C2orf76: variants seen among roughly 807,000 people sequenced by gnomAD.
C2orf76 encodes chromosome 2 open reading frame 76, also known as UPF0538 protein C2orf76.
Under a neutral mutation model 16.9 loss-of-function variants are expected in C2orf76, and 23 were observed. The observed-to-expected ratio is 1.36, with a 90% confidence interval of 0.98 to 1.93. The LOEUF (loss-of-function observed/expected upper bound fraction) is 1.93. Ranked by LOEUF, C2orf76 falls within the 30% of genes most tolerant of loss-of-function variation. The pLI, the probability that C2orf76 is intolerant of heterozygous loss-of-function variation, is 0.00. For synonymous variants in C2orf76, 48 were observed against 52.3 expected (o/e 0.92, Z 0.35); for missense variants, 152 against 152.6 (o/e 1.00, Z 0.02).
In C2orf76 at chr2:119,340,232, G is replaced by A. The variant is rs1033878935; in HGVS notation, c.-12-261C>T. 2.0e-5 allele frequency: 7 copies of A among 345,484 alleles called. No individual in the cohort carries two copies. In the South Asian group the frequency reaches 5.1e-4, roughly 25 times the overall value. The allele number at this position is 345,484 out of a possible 1,614,324, so 21.4% of individuals were successfully genotyped here. A position where few individuals can be genotyped will look rare whatever the true frequency, so the allele number is the denominator to read the frequency against. ...ACCAGCAGAAAACTGACAGAGTACAGAAGATGAACCAAAGTAACACAGGGG... is the reference window on the plus strand; with the variant it reads ...ACCAGCAGAAAACTGACAGAGTACAAAAGATGAACCAAAGTAACACAGGGG... On this transcript the variant is annotated intron_variant, in intron 1 of 5. Transcript: ENST00000334816.
At chr2:119,282,149 G>GA in the C2orf76 span, among the ~76,000 whole-genome samples, 5,928 of 145,094 alleles carry the variant, frequency 0.041, 359 homozygotes, top group African/African-American at 0.14. Flanking sequence ...CCGTCTCAAA[G>GA]AAAAAAAAAA....
downstream of C2orf76, among the ~76,000 whole-genome samples, chr2:119,301,706 A>T (rs958959241): frequency 6.6e-6 from 1 of 152,152 alleles, no homozygotes. Context: ...AACCACAAGT[A>T]TTATATTATT....
At chr2:119,366,956 G>T (rs1450512138), upstream of C2orf76, 1 of 1,516,668 alleles carries the variant, frequency 6.6e-7, no homozygotes, top group East Asian at 2.3e-5. Context: ...CGAGTGGACC[G>T]CGCCTCTAAA....
intron 2 of C2orf76, 81 bp downstream of exon 2, chr2:119,339,746 T>A: frequency 7.1e-7 from 1 of 1,401,466 alleles, no homozygotes; most frequent in Non-Finnish European, 9.8e-7. Context: ...ACTTTAGGAT[T>A]TGTTAAAGAT....
At chr2:119,293,902 GTGT>G in the C2orf76 span, among the ~76,000 whole-genome samples, 4,798 of 152,268 alleles carry the variant, frequency 0.032, 90 homozygotes, top group South Asian at 0.082. Context: ...CAGCTGGAGT[GTGT>G]TATCATCTGA....
At position 119,321,153 on chromosome 2, in the gene C2orf76, C is replaced by T. The variant is rs761723424; in HGVS notation, c.184+1G>A. 9 of 1,387,064 alleles carry T rather than the reference C, an allele frequency of 6.5e-6. No homozygotes were observed. The South Asian group carries it at 9.8e-5, about 15-fold the overall frequency. 85.9% of individuals were successfully genotyped at this position (1,387,064 alleles called of 1,614,324 possible). A position where few individuals can be genotyped will look rare whatever the true frequency, so the allele number is the denominator to read the frequency against. ...TTTTAAAAGAATAAAAAAATGGTTACCATATTTATAATTTCTGAATGGTGG... is the reference window on the plus strand; with the variant it reads ...TTTTAAAAGAATAAAAAAATGGTTATCATATTTATAATTTCTGAATGGTGG... On this transcript the variant is annotated splice_donor_variant, in intron 3 of 5. Transcript: ENST00000334816. LOFTEE classifies it high-confidence loss of function.
At chr2:119,339,718 A>G (rs1185430080) in intron 2 of C2orf76, 109 bp downstream of exon 2, 1 of 1,239,360 alleles carries the variant, frequency 8.1e-7, no homozygotes, top group Non-Finnish European at 1.1e-6. Context: ...CTTGGAACCC[A>G]GGTTAATCTT....
At chr2:119,307,942 C>A (rs1678851160) in intron 5 of C2orf76, among the ~76,000 whole-genome samples, 1 of 152,214 alleles carries the variant, frequency 6.6e-6, no homozygotes. Context: ...GCCTTTTACA[C>A]ACATCACTCC....
At chr2:119,309,860 T>G (rs1168088610) in intron 5 of C2orf76, among the ~76,000 whole-genome samples, 2 of 152,370 alleles carry the variant, frequency 1.3e-5, no homozygotes, top group Middle Eastern at 3.4e-3. Context: ...CTTCTGTCTT[T>G]GAGCTCATGC....
intron 1 of C2orf76, among the ~76,000 whole-genome samples, chr2:119,365,630 G>A (rs1680926495): frequency 6.6e-6 from 1 of 152,098 alleles, no homozygotes; most frequent in Admixed American, 6.6e-5. Flanking sequence ...AATTAGAGAG[G>A]AATGACTTTG....
intron 1 of C2orf76, among the ~76,000 whole-genome samples, chr2:119,355,246 T>C (rs1369013251): frequency 6.6e-6 from 1 of 152,246 alleles, no homozygotes; most frequent in African/African-American, 2.4e-5. Flanking sequence ...TATTAATCCT[T>C]GTACTGTGTG....
At chr2:119,291,061 C>T in the C2orf76 span, among the ~76,000 whole-genome samples, 6 of 151,982 alleles carry the variant, frequency 3.9e-5, no homozygotes, top group Non-Finnish European at 5.9e-5. Flanking sequence ...CTGCTGCCAC[C>T]TGGTGGCTGA....
At chr2:119,335,963 C>T (rs941059247) in intron 2 of C2orf76, among the ~76,000 whole-genome samples, 23 of 152,080 alleles carry the variant, frequency 1.5e-4, no homozygotes, top group African/African-American at 5.6e-4. Flanking sequence ...AATCGAAATG[C>T]TTGCAAATTA....
Position 119,302,853 on chromosome 2 carries a change from C to T in C2orf76, c.305-305G>A, listed in dbSNP as rs572654067. 7.0e-4 allele frequency among the ~76,000 whole-genome samples: 107 copies of T among 152,224 alleles called. 2 individuals carry two copies. The South Asian group carries it at 7.7e-3, about 11-fold the overall frequency. The stretch of plus-strand genomic sequence containing the variant: ...GTTTTCAGGAAATCATAAAATTGCT[C>T]ATTTACAGTCTTTTTTACAGTGCTA... On this transcript the variant is annotated intron_variant, in intron 5 of 5. Coordinates refer to ENST00000334816, the MANE Select transcript of C2orf76 (RefSeq NM_001322331.2).
At chr2:119,332,675 C>T (rs1222980877) in intron 2 of C2orf76, among the ~76,000 whole-genome samples, 3 of 152,288 alleles carry the variant, frequency 2.0e-5, no homozygotes, top group East Asian at 3.9e-4. Context: ...TTAGCACACC[C>T]GCTCTGTTGT....
intron 2 of C2orf76, among the ~76,000 whole-genome samples, chr2:119,326,280 T>C (rs192958130): frequency 1.3e-5 from 2 of 152,342 alleles, no homozygotes; most frequent in Admixed American, 1.3e-4. Flanking sequence ...TTGAGGTTCA[T>C]TTATTTGCAT....
intron 2 of C2orf76, among the ~76,000 whole-genome samples, chr2:119,332,000 A>G (rs147789021): frequency 6.6e-6 from 1 of 152,236 alleles, no homozygotes; most frequent in African/African-American, 2.4e-5. Context: ...CTTTTCTCAT[A>G]CAATTAAGTC....
the C2orf76 span, among the ~76,000 whole-genome samples, chr2:119,289,099 C>G: frequency 1.3e-5 from 2 of 152,070 alleles, no homozygotes; most frequent in African/African-American, 4.8e-5. Context: ...ATTGCTGGCT[C>G]TAGAAACTAC....
chr2:119,346,800 T>C (rs1013398704), intron 1 of C2orf76, among the ~76,000 whole-genome samples: 16 of 152,164 alleles, frequency 1.1e-4, no homozygotes, highest in African/African-American at 3.9e-4. Context: ...TACACATATA[T>C]ACACACACAA....
Sources: gnomAD v4.1 joint callset for allele counts (sites outside exome capture counted in the v4.1 genomes callset) on GRCh38, gnomAD v4.1.1 for gene constraint, MANE v1.5 for transcripts, NCBI Gene and HGNC (gene_info 2026-07-23, HGNC 2026-07-21) for gene names.